The following PKHD1 variants were observed in gnomAD, a reference collection of about 807,000 sequenced individuals.
The protein encoded by PKHD1 is PKHD1 ciliary IPT domain containing fibrocystin/polyductin, also known as fibrocystin.
PKHD1 carries 291 observed loss-of-function variants against 412.0 expected under a neutral mutation model. The observed-to-expected ratio is 0.71, with a 90% CI of 0.64 to 0.78. The LOEUF (loss-of-function observed/expected upper bound fraction) is 0.78, where lower values mean the gene tolerates loss of function less well. Among genes scored for constraint, PKHD1 ranks in the 30% least tolerant of loss-of-function variants. The pLI is 0.00. For missense variants in PKHD1, 4,825 were observed against 4,950.7 expected (o/e 0.97, Z 0.76); for synonymous variants, 1,777 against 1,821.5 (o/e 0.98, Z 0.62).
intron 60 of PKHD1, among the ~76,000 whole-genome samples, chr6:51,718,082 T>C (rs893157040): frequency 6.6e-6 from 1 of 152,252 alleles, no homozygotes; most frequent in African/African-American, 2.4e-5. Flanking sequence ...CTCAGATCAC[T>C]GACATTTTCA....
At chr6:51,730,769 G>A (rs1300542106) in intron 60 of PKHD1, among the ~76,000 whole-genome samples, 1 of 152,176 alleles carries the variant, frequency 6.6e-6, no homozygotes, top group Admixed American at 6.5e-5. Context: ...TTATTTATTG[G>A]AGGGACTGCT....
chr6:51,632,806 C>T, intron 64 of PKHD1, 83 bp from the exon 65 acceptor site: 1 of 1,064,578 alleles, frequency 9.4e-7, no homozygotes, highest in Non-Finnish European at 1.4e-6. Flanking sequence ...TAAATACATT[C>T]ATAATAGTAT....
intron 13 of PKHD1, among the ~76,000 whole-genome samples, chr6:52,063,804 C>A (rs1216376898): frequency 6.6e-6 from 1 of 152,208 alleles, no homozygotes; most frequent in African/African-American, 2.4e-5. Flanking sequence ...TGGTTGAGAA[C>A]AATTGGTTTC....
At chr6:51,901,068 T>C (rs2127610507) in intron 43 of PKHD1, among the ~76,000 whole-genome samples, 1 of 152,192 alleles carries the variant, frequency 6.6e-6, no homozygotes, top group East Asian at 1.9e-4. Context: ...ACACTGTTGG[T>C]GGGACTGTAA....
rs1802092929 is a variant in PKHD1, at chr6:52,025,926, T to C, written c.3884A>G (p.Tyr1295Cys). The C allele has an allele frequency of 1.2e-6, 2 of 1,614,164 alleles. No individual in the cohort carries two copies. The highest frequency in any genetic ancestry group is 8.5e-7 in the Non-Finnish European group (1 of 1,180,046). Residue 1295 changes from tyrosine (Y) to cysteine (C), a missense_variant, in exon 32 of 67, where the codon TAT becomes TGT. Tyr to Cys is a radical substitution (Grantham distance 194). Transcript: ENST00000371117. ...GACTACTGGTGTTGCTGCCGCTTCATACATGAAGGTGAAGCCTTTCCCCAC... is the reference window on the plus strand; with the variant it reads ...GACTACTGGTGTTGCTGCCGCTTCACACATGAAGGTGAAGCCTTTCCCCAC... ...SLVGKGFTFM[Y>C]EAAATPVVTA...
chr6:51,975,850 T>C (rs1257064656), intron 35 of PKHD1: 1 of 149,022 alleles, frequency 6.7e-6, no homozygotes, highest in African/African-American at 2.5e-5. Flanking sequence ...TCGACCCAGG[T>C]TGGAAAAAGA....
intron 54 of PKHD1, among the ~76,000 whole-genome samples, chr6:51,775,487 C>A (rs1005431234): frequency 1.3e-5 from 2 of 151,858 alleles, no homozygotes; most frequent in Admixed American, 1.3e-4. Flanking sequence ...TATCAATAAT[C>A]GAGTAGTATT....
At chr6:52,073,038 CAT>C (rs1810858798) in intron 7 of PKHD1, among the ~76,000 whole-genome samples, 1 of 152,170 alleles carries the variant, frequency 6.6e-6, no homozygotes, top group Admixed American at 6.5e-5. Flanking sequence ...TACCTGTGTC[CAT>C]GTTTTCCTCT....
At chr6:51,865,419 C>T (rs937364329) in intron 48 of PKHD1, among the ~76,000 whole-genome samples, 6 of 152,076 alleles carry the variant, frequency 3.9e-5, no homozygotes, top group Admixed American at 6.6e-5. Flanking sequence ...AGGTAAGCAC[C>T]GTCAGATTTA....
rs961091284 is a variant in PKHD1 at position 52,048,741 on chromosome 6, G to A, written c.2280-122C>T. On this transcript the variant is annotated intron_variant, in intron 22 of 66. Transcript: ENST00000371117. ...CCTTCCAGAAAGAGCTAAGGGACCT[G>A]AGGAAACTCAGTAAGGGAGTTTTCA... 5.2e-6 allele frequency: 6 copies of A among 1,146,144 alleles called. No individual in the cohort carries two copies. The Admixed American group carries it at 7.8e-5, about 15-fold the overall frequency. 71.0% of individuals were successfully genotyped at this position (1,146,144 alleles called of 1,614,324 possible).
At chr6:52,007,204 C>A (rs371216861) in intron 35 of PKHD1, among the ~76,000 whole-genome samples, 37 of 152,278 alleles carry the variant, frequency 2.4e-4, no homozygotes, top group African/African-American at 7.2e-4. Context: ...TGGCTAGATA[C>A]CCAGTAATGG....
Position 51,708,597 on chromosome 6 carries a change from C to G in PKHD1, c.10156+35788G>C, listed in dbSNP as rs548141880. ...ATATCATCTTGGTCCATTCTCCAGC[C>G]AGGTTGGACTTCTTTTCATTTGTTA... On this transcript the variant is annotated intron_variant, in intron 60 of 66. Coordinates refer to ENST00000371117, the MANE Select transcript of PKHD1 (RefSeq NM_138694.4). Among the ~76,000 whole-genome samples the G allele has an allele frequency of 2.2e-3, 341 of 152,302 alleles. 1 individual carries two copies. Among genetic ancestry groups the G allele is most frequent in the Non-Finnish European group, 3.0e-3 (205 of 68,040 alleles).
intron 53 of PKHD1, among the ~76,000 whole-genome samples, chr6:51,777,833 A>T (rs1177701905): frequency 6.6e-6 from 1 of 152,072 alleles, no homozygotes; most frequent in African/African-American, 2.4e-5. Context: ...AGATTAAATC[A>T]ATTATGCAAC....
chr6:51,648,491 T>C (rs1369540603), intron 62 of PKHD1, among the ~76,000 whole-genome samples: 1 of 152,156 alleles, frequency 6.6e-6, no homozygotes, highest in African/African-American at 2.4e-5. Context: ...TTTTCAAGTG[T>C]GGACCTCAGT....
intron 65 of PKHD1, among the ~76,000 whole-genome samples, chr6:51,629,497 TA>T (rs1392376826): frequency 6.6e-6 from 1 of 151,980 alleles, no homozygotes; most frequent in African/African-American, 2.4e-5. Context: ...GAAATGCTAG[TA>T]AAAACCACAA....
At chr6:51,808,273 C>T (rs7761361) in intron 52 of PKHD1, among the ~76,000 whole-genome samples, 85,437 of 150,968 alleles carry the variant, frequency 0.57, 24,447 homozygotes, top group East Asian at 0.77. Context: ...ATATGCAGCA[C>T]AGAATATCTT....
At chr6:52,083,127 G>T in intron 3 of PKHD1, 51 bp downstream of exon 3, 1 of 1,179,560 alleles carries the variant, frequency 8.5e-7, no homozygotes, top group South Asian at 1.2e-5. Context: ...TAGTCTTTAG[G>T]ATTGTGGGTC....
Position 52,064,879 on chromosome 6 carries a change from C to G in PKHD1, c.976+76G>C, listed in dbSNP as rs930498577. On this transcript the variant is annotated intron_variant, in intron 13 of 66. Transcript: ENST00000371117. Reference sequence around the variant, plus strand: ...AAATAGATGAGAAAGAATTCAAACACTTTTATTTCTACTCGCCAGCCCATC... The same window carrying G: ...AAATAGATGAGAAAGAATTCAAACAGTTTTATTTCTACTCGCCAGCCCATC... The G allele has an allele frequency of 7.8e-6, 5 of 643,462 alleles. No individual in the cohort carries two copies. The Admixed American group carries it at 1.0e-4, about 13-fold the overall frequency. 39.9% of individuals were successfully genotyped at this position (643,462 alleles called of 1,614,324 possible). A position where few individuals can be genotyped will look rare whatever the true frequency, so the allele number is the denominator to read the frequency against.
chr6:51,779,870 C>T lies in PKHD1; in HGVS notation c.8441-3949G>A, dbSNP rs561372058. On this transcript the variant is annotated intron_variant, in intron 53 of 66. Transcript: ENST00000371117. Reference sequence around the variant, plus strand: ...TGACATAACAGGCATAGATGGAAAACTAGACCCACAAAGAATGCGCATTCT... The same window carrying T: ...TGACATAACAGGCATAGATGGAAAATTAGACCCACAAAGAATGCGCATTCT... 5.9e-5 allele frequency among the ~76,000 whole-genome samples: 9 copies of T among 151,546 alleles called. No individual in the cohort carries two copies. The South Asian group carries it at 1.9e-3, about 32-fold the overall frequency.
Sources: allele counts gnomAD v4.1 joint callset (sites outside exome capture counted in the v4.1 genomes callset), GRCh38; gene constraint gnomAD v4.1.1; transcripts MANE v1.5; gene names NCBI Gene and HGNC (gene_info 2026-07-23, HGNC 2026-07-21).